Variants in TXLNB observed in about 807,000 individuals in gnomAD.
TXLNB encodes beta-taxilin.
Under a neutral mutation model 57.4 loss-of-function variants are expected in TXLNB, and 37 were observed. That is an observed-to-expected ratio of 0.64 (90% CI 0.50 to 0.85). TXLNB has a LOEUF of 0.85. TXLNB is among the 40% of genes least tolerant of loss of function. The pLI, the probability that TXLNB is intolerant of heterozygous loss-of-function variation, is 0.00. For synonymous variants in TXLNB, 302 were observed against 309.6 expected, an observed-to-expected ratio of 0.98 and a Z score of 0.26; for missense variants, 848 against 825.6, an observed-to-expected ratio of 1.03 and a Z score of -0.33.
intron 6 of TXLNB, among the ~76,000 whole-genome samples, chr6:139,256,784 C>T (rs1776355524): frequency 6.6e-6 from 1 of 152,234 alleles, no homozygotes; most frequent in Non-Finnish European, 1.5e-5. Flanking sequence ...TCCTACGGAA[C>T]ATATTAAAAA....
At chr6:139,159,793 T>C in the TXLNB span, among the ~76,000 whole-genome samples, 1 of 152,238 alleles carries the variant, frequency 6.6e-6, no homozygotes. Flanking sequence ...AGATTTTGCC[T>C]GGAAAGCCTC....
intron 9 of TXLNB, among the ~76,000 whole-genome samples, chr6:139,243,993 T>C (rs1180396025): frequency 6.6e-6 from 1 of 150,456 alleles, no homozygotes; most frequent in Non-Finnish European, 1.5e-5. Context: ...GAGACCTTTT[T>C]TCCCCCACTC....
At chr6:139,273,447 T>A (rs1052826033) in intron 3 of TXLNB, among the ~76,000 whole-genome samples, 2 of 152,248 alleles carry the variant, frequency 1.3e-5, no homozygotes, top group Non-Finnish European at 2.9e-5. Flanking sequence ...TTCCATTTAA[T>A]GTTTTATTTT....
In TXLNB at chr6:139,242,634, C is replaced by T; in HGVS notation, c.1947G>A (p.Glu649=). The T allele has an allele frequency of 6.2e-7, 1 of 1,604,934 alleles. No individual in the cohort carries two copies. ...CTGCTCGTGGGGGCTGCCTACTGGG[C>T]TCGCATGCAGGCACCATGGCTGCAA... is the stretch of plus-strand genomic sequence containing the variant. ...EHVAAMVPAC[E]PSRQPPRAAA... Residue 649 remains glutamate, a synonymous_variant, in exon 10 of 10, where the codon GAG becomes GAA. Transcript: ENST00000358430.
At chr6:139,312,210 T>C in the TXLNB span, among the ~76,000 whole-genome samples, 1 of 152,178 alleles carries the variant, frequency 6.6e-6, no homozygotes, top group Admixed American at 6.5e-5. Flanking sequence ...TGGGTAGGGG[T>C]AGGCTTTCCT....
At chr6:139,255,707 T>C in intron 6 of TXLNB, 69 bp from the exon 7 acceptor site, 4 of 1,311,406 alleles carry the variant, frequency 3.1e-6, no homozygotes, top group Non-Finnish European at 4.3e-6. Context: ...GGCTGTAATT[T>C]GTCTACAAAA....
At chr6:139,321,485 A>T in the TXLNB span, among the ~76,000 whole-genome samples, 1 of 151,784 alleles carries the variant, frequency 6.6e-6, no homozygotes, top group East Asian at 1.9e-4. Context: ...TGTTTATAAA[A>T]TACCCAGTCT....
At chr6:139,166,257 T>C in the TXLNB span, 835,075 of 1,544,210 alleles carry the variant, frequency 0.54, 234,581 homozygotes, top group African/African-American at 0.57. Context: ...AAATCTGAAA[T>C]CTGTTCTCTC....
chr6:139,195,762 T>C, the TXLNB span, among the ~76,000 whole-genome samples: 1 of 152,216 alleles, frequency 6.6e-6, no homozygotes, highest in Non-Finnish European at 1.5e-5. Context: ...AAATACTGGA[T>C]ATTAAAAGCT....
chr6:139,181,090 A>T, the TXLNB span, among the ~76,000 whole-genome samples: 1 of 151,308 alleles, frequency 6.6e-6, no homozygotes, highest in South Asian at 2.1e-4. Context: ...GAATTCTATT[A>T]TTTGATAGAT....
At chr6:139,195,886 G>A in the TXLNB span, among the ~76,000 whole-genome samples, 7 of 151,734 alleles carry the variant, frequency 4.6e-5, no homozygotes, top group Non-Finnish European at 7.4e-5. Flanking sequence ...CTCCAAATAC[G>A]TCTGCTGAGG....
At chr6:139,210,604 C>T in the TXLNB span, among the ~76,000 whole-genome samples, 2 of 152,228 alleles carry the variant, frequency 1.3e-5, no homozygotes, top group African/African-American at 2.4e-5. Flanking sequence ...GTACTGGGTT[C>T]ATCTCACTGG....
At chr6:139,225,710 T>C in the TXLNB span, among the ~76,000 whole-genome samples, 2 of 152,226 alleles carry the variant, frequency 1.3e-5, no homozygotes, top group East Asian at 3.9e-4. Flanking sequence ...CATTCCTGGA[T>C]TGGAAAACTC....
chr6:139,184,807 C>CTGT, the TXLNB span, among the ~76,000 whole-genome samples: 12 of 152,142 alleles, frequency 7.9e-5, no homozygotes, highest in African/African-American at 2.9e-4. Flanking sequence ...GTATCCCAGA[C>CTGT]TGTTGAGGGT....
At chr6:139,245,495 C>G (rs1562271502) in intron 8 of TXLNB, 1 of 152,102 alleles carries the variant, frequency 6.6e-6, no homozygotes, top group Non-Finnish European at 1.5e-5. Context: ...AAGTGGAGAA[C>G]GAGGCATGTA....
In TXLNB at chr6:139,256,151, T is replaced by C. The variant is rs566187850; in HGVS notation, c.1003-513A>G. On this transcript the variant is annotated intron_variant, in intron 6 of 9. Coordinates refer to ENST00000358430, the MANE Select transcript of TXLNB (RefSeq NM_153235.4). Reference sequence around the variant, plus strand: ...AAAAGTTGGATTCTCAACTATAAACTAGTGGTTTTAATAAAAAAAATAGTC... The same window carrying C: ...AAAAGTTGGATTCTCAACTATAAACCAGTGGTTTTAATAAAAAAAATAGTC... Among the ~76,000 whole-genome samples the C allele has an allele frequency of 3.6e-4, 55 of 152,182 alleles. No individual in the cohort carries two copies. The South Asian group carries it at 0.011, about 29-fold the overall frequency.
the TXLNB span, among the ~76,000 whole-genome samples, chr6:139,219,600 G>A: frequency 6.6e-6 from 1 of 152,204 alleles, no homozygotes; most frequent in Non-Finnish European, 1.5e-5. Context: ...GAGACGTCAG[G>A]AAGCGAAGCC....
chr6:139,244,535 G>T (rs114116365), intron 9 of TXLNB, 60 bp downstream of exon 9: 55 of 1,151,938 alleles, frequency 4.8e-5, no homozygotes, highest in Non-Finnish European at 5.7e-5. Context: ...TAATTGTATC[G>T]TAAGTTTGAA....
At chr6:139,215,546 C>T in the TXLNB span, among the ~76,000 whole-genome samples, 1 of 152,140 alleles carries the variant, frequency 6.6e-6, no homozygotes, top group African/African-American at 2.4e-5. Flanking sequence ...TAGGCAATAC[C>T]ATTCAGGACA....
Sources: gnomAD v4.1 joint callset for allele counts (sites outside exome capture counted in the v4.1 genomes callset) on GRCh38, gnomAD v4.1.1 for gene constraint, MANE v1.5 for transcripts, NCBI Gene and HGNC (gene_info 2026-07-23, HGNC 2026-07-21) for gene names.